Variants in TREML4 observed in about 807,000 individuals in gnomAD.
TREML4 encodes triggering receptor expressed on myeloid cells like 4.
In TREML4, 25 loss-of-function variants were observed where a neutral mutation model predicts 25.4. The ratio of observed to expected loss-of-function variants is 0.98; its 90% CI spans 0.72 to 1.37. The LOEUF (loss-of-function observed/expected upper bound fraction) is 1.37. Ranked by LOEUF, TREML4 falls within the 40% of genes most tolerant of loss-of-function variation. The probability of loss-of-function intolerance (pLI) is 0.00; values close to 1 mark genes in which losing one functional copy is unlikely to be tolerated. For synonymous variants in TREML4, 92 were observed against 87.9 expected (o/e 1.05, Z -0.26); for missense variants, 268 against 236.5 (o/e 1.13, Z -0.87).
At chr6:41,230,002 C>G in intron 3 of TREML4, 60 bp from the exon 4 acceptor site, 1 of 1,437,814 alleles carries the variant, frequency 7.0e-7, no homozygotes, top group South Asian at 1.1e-5. Flanking sequence ...TTTTGGGACC[C>G]AATCCCATTC....
intron 4 of TREML4, among the ~76,000 whole-genome samples, chr6:41,233,792 A>G (rs1014273023): frequency 1.3e-5 from 2 of 151,482 alleles, no homozygotes; most frequent in Non-Finnish European, 3.0e-5. Context: ...ATATTTTATT[A>G]GGTATTTATA....
Position 41,237,685 on chromosome 6 carries a change from G to A in TREML4, c.*666G>A, listed in dbSNP as rs1471019832. On this transcript the variant is annotated 3_prime_UTR_variant, in exon 6 of 6. Coordinates refer to ENST00000341495, the MANE Select transcript of TREML4 (RefSeq NM_198153.3). Reference sequence around the variant, plus strand: ...AAACTAAGAAAGGCTGTAATCAGCAGACTGGAAGCTGAGGAAGATCTAGAA... The same window carrying A: ...AAACTAAGAAAGGCTGTAATCAGCAAACTGGAAGCTGAGGAAGATCTAGAA... 6.6e-6 allele frequency: 1 copy of A among 152,204 alleles called. No homozygotes were observed. The highest frequency in any genetic ancestry group is 2.4e-5 in the African/African-American group (1 of 41,448). 9.4% of individuals were successfully genotyped at this position (152,204 alleles called of 1,614,324 possible).
At position 41,230,090 on chromosome 6, in the gene TREML4, T is replaced by A. The variant is rs778610274; in HGVS notation, c.474T>A (p.Ser158=). The part of the protein sequence containing the change: ...TVLITSPEGT[S]GHPSINGSET... The stretch of plus-strand genomic sequence containing the variant: ...TGATCACTTCTCCAGAGGGGACCTC[T>A]GGCCATCCCTCCATCAATGGCTCTG... Residue 158 remains serine (S), a synonymous_variant, in exon 4 of 6, where the codon TCT becomes TCA. Transcript: ENST00000341495. 3 of 1,612,024 alleles carry A rather than the reference T, an allele frequency of 1.9e-6. No individual in the cohort carries two copies. Among genetic ancestry groups the A allele is most frequent in the Non-Finnish European group, 2.5e-6 (3 of 1,178,046 alleles).
At chr6:41,235,028 G>A (rs1330981940) in intron 4 of TREML4, among the ~76,000 whole-genome samples, 1 of 151,852 alleles carries the variant, frequency 6.6e-6, no homozygotes, top group East Asian at 1.9e-4. Context: ...GATTATAATC[G>A]AGGAGAGTCT....
intron 4 of TREML4, 111 bp downstream of exon 4, chr6:41,230,233 T>C (rs929122771): frequency 1.6e-5 from 15 of 918,720 alleles, no homozygotes; most frequent in Non-Finnish European, 2.6e-5. Flanking sequence ...CTCTGGTGGG[T>C]TGGGGCATAG....
At chr6:41,233,404 G>A (rs1766837749) in intron 4 of TREML4, among the ~76,000 whole-genome samples, 1 of 152,052 alleles carries the variant, frequency 6.6e-6, no homozygotes, top group Non-Finnish European at 1.5e-5. Flanking sequence ...AAATATATTT[G>A]ACTATTAGGA....
In TREML4 at chr6:41,228,651, G is replaced by A. The variant is rs75550244; in HGVS notation, c.64-63G>A. ...CCCCTCCCCTTCCCCAGCCTGTGAT[G>A]GGGGAGGTTGGGTCCCTTCAGAGCT... is the stretch of plus-strand genomic sequence containing the variant. On this transcript the variant is annotated intron_variant, in intron 1 of 5. Transcript: ENST00000341495. The A allele has an allele frequency of 2.6e-3, 4,048 of 1,538,612 alleles. 186 individuals carry two copies. The East Asian group carries it at 0.079, about 30-fold the overall frequency.
intron 4 of TREML4, 41 bp from the exon 5 acceptor site, chr6:41,236,445 C>G (rs1285885416): frequency 2.5e-6 from 4 of 1,584,564 alleles, no homozygotes; most frequent in Non-Finnish European, 3.5e-6. Context: ...GTGGTGACAT[C>G]CTGGCCCAAG....
At chr6:41,235,985 G>T (rs559625994) in intron 4 of TREML4, among the ~76,000 whole-genome samples, 3 of 151,868 alleles carry the variant, frequency 2.0e-5, no homozygotes, top group Non-Finnish European at 2.9e-5. Flanking sequence ...GGCCAGGAGT[G>T]GGGGCTACAC....
chr6:41,232,436 T>C, intron 4 of TREML4: 1 of 375,364 alleles, frequency 2.7e-6, no homozygotes, highest in Non-Finnish European at 5.5e-6. Context: ...CATTCTAGAC[T>C]AGCAGTCCCC....
intron 4 of TREML4, among the ~76,000 whole-genome samples, chr6:41,235,659 G>A (rs1453169164): frequency 6.6e-6 from 1 of 152,172 alleles, no homozygotes; most frequent in Non-Finnish European, 1.5e-5. Context: ...CAGGTGATCT[G>A]AATAAATAGA....
chr6:41,228,768 T>C lies in TREML4; in HGVS notation c.118T>C (p.Cys40Arg), dbSNP rs1766726939. 1 of 1,614,092 alleles carries C rather than the reference T, an allele frequency of 6.2e-7. No homozygotes were observed. The highest frequency in any genetic ancestry group is 1.7e-5 in the Admixed American group (1 of 60,014). The change falls in exon 2 of 6, where the codon TGC (cysteine) becomes CGC (arginine). Residue 40 changes from cysteine (C) to arginine (R), a missense_variant. Transcript: ENST00000341495. ...KHPGQTLLLQ[C>R]QYSPKRGPYQ... ...CCCAGGACAGACCCTCCTCCTGCAA[T>C]GCCAGTACTCACCCAAGAGAGGGCC...
At chr6:41,231,109 A>T (rs1215227160) in intron 4 of TREML4, 1 of 446,150 alleles carries the variant, frequency 2.2e-6, no homozygotes, top group East Asian at 7.0e-5. Flanking sequence ...AATCAAGTTC[A>T]GGGCTCCCAC....
chr6:41,238,029 A>C lies in TREML4; in HGVS notation c.*1010A>C. On this transcript the variant is annotated 3_prime_UTR_variant, in exon 6 of 6. Coordinates refer to ENST00000341495, the MANE Select transcript of TREML4 (RefSeq NM_198153.3). ...CTCAGAATGGGGGTCCACCATGAGC[A>C]ACAGATTTGAGGTACCAGTGCATAG... 1 of 152,252 alleles carries C rather than the reference A, an allele frequency of 6.6e-6. No individual in the cohort carries two copies. Among genetic ancestry groups the C allele is most frequent in the Non-Finnish European group, 1.5e-5 (1 of 68,056 alleles). 9.4% of individuals were successfully genotyped at this position (152,252 alleles called of 1,614,324 possible).
At chr6:41,233,591 C>A (rs368430542) in intron 4 of TREML4, among the ~76,000 whole-genome samples, 1 of 151,364 alleles carries the variant, frequency 6.6e-6, no homozygotes, top group Non-Finnish European at 1.5e-5. Context: ...TAAATTTTGG[C>A]CATGAAATAT....
At chr6:41,232,351 T>G (rs1766816264) in intron 4 of TREML4, 2 of 400,818 alleles carry the variant, frequency 5.0e-6, no homozygotes, top group Non-Finnish European at 1.0e-5. Flanking sequence ...TTTTATCTTT[T>G]TTGATTTATA....
rs1766947213 is a variant in TREML4, at chr6:41,238,718, A to G, written c.*1699A>G. ...GCGATTATGTGTTTTCTCTGAGTCTATGTGAAGTACACAGCACAACCTATG... is the reference window on the plus strand; with the variant it reads ...GCGATTATGTGTTTTCTCTGAGTCTGTGTGAAGTACACAGCACAACCTATG... On this transcript the variant is annotated 3_prime_UTR_variant, in exon 6 of 6. Coordinates refer to ENST00000341495, the MANE Select transcript of TREML4 (RefSeq NM_198153.3). The G allele has an allele frequency of 6.6e-6, 1 of 152,178 alleles. No individual in the cohort carries two copies. The highest frequency in any genetic ancestry group is 1.5e-5 in the Non-Finnish European group (1 of 68,050). The allele number at this position is 152,178 out of a possible 1,614,324, so 9.4% of individuals were successfully genotyped here. A position where few individuals can be genotyped will look rare whatever the true frequency, so the allele number is the denominator to read the frequency against.
chr6:41,230,381 C>G (rs1188761303), intron 4 of TREML4, among the ~76,000 whole-genome samples: 1 of 152,120 alleles, frequency 6.6e-6, no homozygotes, highest in Non-Finnish European at 1.5e-5. Flanking sequence ...CAAAATGGAA[C>G]CCAGAAAATG....
chr6:41,235,000 T>C (rs934238244), intron 4 of TREML4, among the ~76,000 whole-genome samples: 1 of 151,930 alleles, frequency 6.6e-6, no homozygotes, highest in Admixed American at 6.6e-5. Context: ...AATTCAAGAG[T>C]GCATTGAAAA....
Sources: gnomAD v4.1 joint callset for allele counts (sites outside exome capture counted in the v4.1 genomes callset) on GRCh38, gnomAD v4.1.1 for gene constraint, MANE v1.5 for transcripts, NCBI Gene and HGNC (gene_info 2026-07-23, HGNC 2026-07-21) for gene names.